UIMC1: variants seen among roughly 807,000 people sequenced by gnomAD.
UIMC1 encodes ubiquitin interaction motif containing 1, also known as BRCA1-A complex subunit RAP80.
A neutral mutation model predicts 84.9 loss-of-function variants in UIMC1; 42 were observed. That is an observed-to-expected ratio of 0.49 (90% CI 0.39 to 0.64). The LOEUF (loss-of-function observed/expected upper bound fraction) is 0.64. UIMC1 is among the 30% of genes least tolerant of loss of function. The probability of loss-of-function intolerance (pLI) is 0.00; values close to 1 mark genes in which losing one functional copy is unlikely to be tolerated. For missense variants in UIMC1, 825 were observed against 847.6 expected (o/e 0.97, Z 0.33); for synonymous variants, 281 against 293.0 (o/e 0.96, Z 0.42).
At chr5:176,941,262 G>C (rs887465544) in intron 10 of UIMC1, among the ~76,000 whole-genome samples, 1 of 152,078 alleles carries the variant, frequency 6.6e-6, no homozygotes, top group Non-Finnish European at 1.5e-5. Flanking sequence ...TTTACAGTCA[G>C]ACCTCAACTA....
chr5:176,914,049 T>TACCATAC (rs1760645152), intron 10 of UIMC1, among the ~76,000 whole-genome samples: 1 of 148,898 alleles, frequency 6.7e-6, no homozygotes. Flanking sequence ...CACCATACCA[T>TACCATAC]ACCATACCAT....
At chr5:176,953,825 T>C (rs76724800) in intron 8 of UIMC1, among the ~76,000 whole-genome samples, 5,000 of 152,198 alleles carry the variant, frequency 0.033, 295 homozygotes, top group African/African-American at 0.11. Flanking sequence ...ATCTTAAATA[T>C]TAGACTCCTG....
intron 9 of UIMC1, among the ~76,000 whole-genome samples, chr5:176,948,555 G>A (rs1256427517): frequency 1.3e-5 from 2 of 152,110 alleles, no homozygotes; most frequent in African/African-American, 2.4e-5. Flanking sequence ...CATTACCTTT[G>A]TCAGACCACA....
chr5:176,968,826 G>A lies in UIMC1; in HGVS notation c.929C>T (p.Ala310Val), dbSNP rs760088207. The stretch of plus-strand genomic sequence containing the variant: ...TTTTTTATTAAGGAGCTGCCTCTGA[G>A]CCATTTTCAGGCTCTTTTGATAAAC... ...LEVYQKSLKM[A>V]QRQLLNKKGF... The change falls in exon 6 of 15, where the codon GCT (alanine) becomes GTT (valine). Residue 310 changes from alanine (A) to valine (V), a missense_variant. Coordinates refer to ENST00000511320, the MANE Select transcript of UIMC1 (RefSeq NM_001199298.2). The A allele has an allele frequency of 1.3e-5, 21 of 1,614,030 alleles. No homozygotes were observed. The highest frequency in any genetic ancestry group is 2.2e-5 in the South Asian group (2 of 91,090).
At chr5:176,940,589 A>C (rs1764289182) in intron 10 of UIMC1, among the ~76,000 whole-genome samples, 2 of 152,140 alleles carry the variant, frequency 1.3e-5, no homozygotes, top group Non-Finnish European at 2.9e-5. Context: ...AAAAAAAAAC[A>C]ATCAGACTAA....
At chr5:176,929,088 C>T (rs1434365754) in intron 10 of UIMC1, among the ~76,000 whole-genome samples, 1 of 150,942 alleles carries the variant, frequency 6.6e-6, no homozygotes, top group Non-Finnish European at 1.5e-5. Flanking sequence ...CCTGTCTCTA[C>T]TAATAATAGA....
chr5:176,921,241 G>T (rs775182576), intron 10 of UIMC1, among the ~76,000 whole-genome samples: 8 of 152,062 alleles, frequency 5.3e-5, no homozygotes, highest in Non-Finnish European at 7.4e-5. Flanking sequence ...TTGCCCACAC[G>T]GCTATCTAAG....
intron 14 of UIMC1, 129 bp downstream of exon 14, chr5:176,905,882 A>G (rs1009204726): frequency 1.1e-6 from 1 of 924,564 alleles, no homozygotes; most frequent in Non-Finnish European, 1.7e-6. Flanking sequence ...ACTGAGAGAG[A>G]GGTCATAATA....
intron 10 of UIMC1, among the ~76,000 whole-genome samples, chr5:176,917,121 G>A (rs1761076038): frequency 6.6e-6 from 1 of 152,120 alleles, no homozygotes; most frequent in African/African-American, 2.4e-5. Flanking sequence ...GTCTTTTCCT[G>A]CTAAGATCAC....
intron 1 of UIMC1, among the ~76,000 whole-genome samples, chr5:177,000,289 T>C (rs1774255503): frequency 6.6e-6 from 1 of 152,042 alleles, no homozygotes; most frequent in South Asian, 2.1e-4. Flanking sequence ...CAAACTGTTC[T>C]CCATAGTGCT....
intron 12 of UIMC1, among the ~76,000 whole-genome samples, chr5:176,907,706 G>C (rs1395108323): frequency 1.3e-5 from 2 of 152,174 alleles, no homozygotes. Context: ...CCAGTGACCA[G>C]GGCCCAGACC....
Position 176,955,980 on chromosome 5 carries a change from C to A in UIMC1, c.1318G>T (p.Glu440Ter), listed in dbSNP as rs1460727614. 6.2e-7 allele frequency: 1 copy of A among 1,613,612 alleles called. No individual in the cohort carries two copies. Among genetic ancestry groups the A allele is most frequent in the Non-Finnish European group, 8.5e-7 (1 of 1,179,764 alleles). The change falls in exon 8 of 15, where the codon GAA (glutamate) becomes TAA (stop). Residue 440 changes from glutamate to a stop codon, truncating the protein, a stop_gained. Transcript: ENST00000511320. LOFTEE classifies it high-confidence loss of function. ...SLVLMPESSA[E>*]EITVCPETQL... ...TTACCAGGACAAACAGTGATTTCTT[C>A]TGCAGAACTCTCTGGCATAAGGACT...
chr5:176,908,737 T>C (rs1334687927), intron 11 of UIMC1, 43 bp from the exon 12 acceptor site: 2 of 1,584,098 alleles, frequency 1.3e-6, no homozygotes, highest in African/African-American at 1.4e-5. Flanking sequence ...TTTTAAGATG[T>C]GCTTTTGCCT....
intron 1 of UIMC1, among the ~76,000 whole-genome samples, chr5:176,984,844 G>A (rs930071653): frequency 2.0e-5 from 3 of 152,174 alleles, no homozygotes; most frequent in African/African-American, 7.2e-5. Flanking sequence ...GGGTTAAATG[G>A]ATTAAGGGCA....
intron 1 of UIMC1, among the ~76,000 whole-genome samples, chr5:177,014,062 T>TC (rs1271520067): frequency 5.7e-5 from 7 of 122,512 alleles, no homozygotes; most frequent in African/African-American, 3.2e-4. Context: ...CTTTTCTTTT[T>TC]TTTTTTTTTT....
At chr5:176,921,618 C>T (rs993055146) in intron 10 of UIMC1, among the ~76,000 whole-genome samples, 4 of 152,206 alleles carry the variant, frequency 2.6e-5, no homozygotes, top group African/African-American at 7.2e-5. Context: ...TTCTCTCACA[C>T]TCCAATAAAT....
intron 1 of UIMC1, among the ~76,000 whole-genome samples, chr5:177,018,433 C>T (rs1319067400): frequency 1.3e-5 from 2 of 152,114 alleles, no homozygotes; most frequent in Admixed American, 6.6e-5. Flanking sequence ...GTTTCGTTTG[C>T]ACATGCACAC....
Position 176,994,725 on chromosome 5 carries a change from G to GCGGTGGGAATGTGA in UIMC1, c.-9+11911_-9+11924dup, listed in dbSNP as rs547298930. ...AAGGGAGTTGGCTAGTTTGAATGGT[G>GCGGTGGGAATGTGA]CGGTGGGAATGTGACAGTGCGAAAC... On this transcript the variant is annotated intron_variant, in intron 1 of 14. Coordinates refer to ENST00000511320, the MANE Select transcript of UIMC1 (RefSeq NM_001199298.2). Among the ~76,000 whole-genome samples, 1,378 of 152,166 alleles carry GCGGTGGGAATGTGA rather than the reference G, an allele frequency of 9.1e-3. 7 individuals are homozygous for GCGGTGGGAATGTGA. Among genetic ancestry groups the GCGGTGGGAATGTGA allele is most frequent in the South Asian group, 0.025 (120 of 4,824 alleles).
chr5:177,012,204 G>A (rs999223015), intron 1 of UIMC1, among the ~76,000 whole-genome samples: 16 of 152,150 alleles, frequency 1.1e-4, no homozygotes, highest in African/African-American at 3.6e-4. Flanking sequence ...CACCTGTTAT[G>A]TCCCACATAA....
Sources: gnomAD v4.1 joint callset for allele counts (sites outside exome capture counted in the v4.1 genomes callset) on GRCh38, gnomAD v4.1.1 for gene constraint, MANE v1.5 for transcripts, NCBI Gene and HGNC (gene_info 2026-07-23, HGNC 2026-07-21) for gene names.